Variants in NFIA observed in about 807,000 individuals in gnomAD.
The protein encoded by NFIA is nuclear factor 1 A-type.
Under a neutral mutation model 62.8 loss-of-function variants are expected in NFIA, and 8 were observed. That is an observed-to-expected ratio of 0.13 (90% CI 0.07 to 0.23). The LOEUF is 0.23. NFIA is among the 10% of genes least tolerant of loss of function. The pLI, the probability that NFIA is intolerant of heterozygous loss-of-function variation, is 1.00. For synonymous variants in NFIA, 235 were observed against 238.1 expected (o/e 0.99, Z 0.12); for missense variants, 410 against 642.1 (o/e 0.64, Z 3.91).
intron 2 of NFIA, among the ~76,000 whole-genome samples, chr1:61,102,388 G>A (rs1570155012): frequency 6.6e-6 from 1 of 152,146 alleles, no homozygotes. Flanking sequence ...GATGATTTTA[G>A]CAATATTTGA....
chr1:61,230,252 A>G (rs1298057516), intron 2 of NFIA, among the ~76,000 whole-genome samples: 1 of 152,234 alleles, frequency 6.6e-6, no homozygotes, highest in Non-Finnish European at 1.5e-5. Context: ...GGAGAGCAAT[A>G]AAAAACAGAA....
At chr1:61,291,271 T>C (rs1213611958) in intron 3 of NFIA, among the ~76,000 whole-genome samples, 1 of 152,194 alleles carries the variant, frequency 6.6e-6, no homozygotes, top group East Asian at 1.9e-4. Flanking sequence ...CTGAGCAGAA[T>C]TGATAGTGAG....
At chr1:61,121,175 G>A (rs989424875) in intron 2 of NFIA, among the ~76,000 whole-genome samples, 2 of 152,164 alleles carry the variant, frequency 1.3e-5, no homozygotes, top group East Asian at 3.9e-4. Context: ...GTGAGTTAAG[G>A]TTGATTAAGT....
intron 2 of NFIA, among the ~76,000 whole-genome samples, chr1:61,235,421 C>T (rs1012261191): frequency 6.6e-5 from 10 of 150,590 alleles, no homozygotes; most frequent in African/African-American, 2.5e-4. Context: ...CGAGATGGCG[C>T]CACTGCACTC....
chr1:61,384,110 C>T (rs1183204580), intron 7 of NFIA, among the ~76,000 whole-genome samples: 1 of 152,160 alleles, frequency 6.6e-6, no homozygotes, highest in Non-Finnish European at 1.5e-5. Context: ...GTTTATGAAA[C>T]TCCCACAGTA....
intron 7 of NFIA, among the ~76,000 whole-genome samples, chr1:61,391,628 G>A (rs1207269539): frequency 1.3e-5 from 2 of 152,116 alleles, no homozygotes; most frequent in South Asian, 2.1e-4. Context: ...TCCCCTATTT[G>A]TAGAATATTT....
intron 4 of NFIA, among the ~76,000 whole-genome samples, chr1:61,338,954 A>G (rs1661759783): frequency 6.6e-6 from 1 of 152,224 alleles, no homozygotes; most frequent in Admixed American, 6.5e-5. Context: ...CTTTCAAAAG[A>G]AACCATTTGG....
intron 3 of NFIA, among the ~76,000 whole-genome samples, chr1:61,320,917 A>C (rs1260416143): frequency 6.6e-6 from 1 of 152,110 alleles, no homozygotes; most frequent in African/African-American, 2.4e-5. Flanking sequence ...TTTCCCTAGT[A>C]TATGTAAAAG....
At chr1:61,417,971 G>T (rs1487969358) in intron 9 of NFIA, among the ~76,000 whole-genome samples, 1 of 152,124 alleles carries the variant, frequency 6.6e-6, no homozygotes, top group Non-Finnish European at 1.5e-5. Context: ...ATATAGAGAA[G>T]TTCAGAGAGG....
chr1:61,113,079 A>G (rs112621536), intron 2 of NFIA, among the ~76,000 whole-genome samples: 8 of 152,180 alleles, frequency 5.3e-5, no homozygotes, highest in African/African-American at 1.7e-4. Context: ...CATTTTGTTT[A>G]TAATATATAG....
intron 2 of NFIA, among the ~76,000 whole-genome samples, chr1:61,207,097 G>A (rs896823475): frequency 6.6e-6 from 1 of 152,168 alleles, no homozygotes; most frequent in African/African-American, 2.4e-5. Context: ...CCTACATCTG[G>A]GAGGGAATGG....
chr1:61,330,582 C>T (rs1661250062), intron 3 of NFIA, among the ~76,000 whole-genome samples: 1 of 151,988 alleles, frequency 6.6e-6, no homozygotes, highest in South Asian at 2.1e-4. Flanking sequence ...AATGAATGAA[C>T]GCAAGGGTCT....
chr1:61,248,573 G>A (rs1205440110), intron 2 of NFIA, among the ~76,000 whole-genome samples: 4 of 152,106 alleles, frequency 2.6e-5, no homozygotes, highest in Admixed American at 1.3e-4. Context: ...AAGTTGCACC[G>A]GAGAGCTCTG....
intron 2 of NFIA, among the ~76,000 whole-genome samples, chr1:61,230,619 C>T (rs1654615803): frequency 6.6e-6 from 1 of 152,126 alleles, no homozygotes; most frequent in Non-Finnish European, 1.5e-5. Context: ...ACACTACTGC[C>T]AGAGTGATCT....
At chr1:61,083,307 T>TCCTCGGGTGCGGGGAGA (rs1553148613) in intron 1 of NFIA, among the ~76,000 whole-genome samples, 2 of 152,040 alleles carry the variant, frequency 1.3e-5, no homozygotes, top group African/African-American at 4.8e-5. Context: ...CCGGCTGCAG[T>TCCTCGGGTGCGGGGAGA]CCTCGGGTGC....
At chr1:61,187,776 C>T (rs2100570866) in intron 2 of NFIA, among the ~76,000 whole-genome samples, 1 of 152,304 alleles carries the variant, frequency 6.6e-6, no homozygotes, top group African/African-American at 2.4e-5. Flanking sequence ...GTATAAATGC[C>T]ACTGTTTAAA....
chr1:61,077,979 G>T (rs953823040), upstream of NFIA, among the ~76,000 whole-genome samples: 1 of 151,780 alleles, frequency 6.6e-6, no homozygotes, highest in African/African-American at 2.4e-5. Context: ...TGTAAAAGAC[G>T]TCTGGCCTCA....
At chr1:61,109,665 AAC>A (rs1402349624) in intron 2 of NFIA, among the ~76,000 whole-genome samples, 7 of 151,936 alleles carry the variant, frequency 4.6e-5, no homozygotes, top group Admixed American at 3.3e-4. Context: ...AAATGGGTGT[AAC>A]ACAGAAAATA....
chr1:61,175,454 T>G (rs761992967), intron 2 of NFIA, among the ~76,000 whole-genome samples: 3 of 152,156 alleles, frequency 2.0e-5, no homozygotes, highest in Non-Finnish European at 4.4e-5. Flanking sequence ...TATCATGATT[T>G]TGAGTTTATG....
Sources: gnomAD v4.1 joint callset for allele counts (sites outside exome capture counted in the v4.1 genomes callset) on GRCh38, gnomAD v4.1.1 for gene constraint, MANE v1.5 for transcripts, NCBI Gene and HGNC (gene_info 2026-07-23, HGNC 2026-07-21) for gene names.